CYB5R3: variants seen among roughly 807,000 people sequenced by gnomAD.
CYB5R3 encodes NADH-cytochrome b5 reductase 3.
A neutral mutation model predicts 36.5 loss-of-function variants in CYB5R3; 28 were observed. The ratio of observed to expected loss-of-function variants is 0.77; its 90% CI spans 0.57 to 1.05. The LOEUF is 1.05. CYB5R3 is among the 50% of genes least tolerant of loss of function. The pLI is 0.00. For missense variants in CYB5R3, 474 were observed against 408.9 expected, an observed-to-expected ratio of 1.16 and a Z score of -1.37; for synonymous variants, 181 against 159.8, an observed-to-expected ratio of 1.13 and a Z score of -1.00.
chr22:42,632,455 A>T (rs1165138611), intron 2 of CYB5R3: 1 of 152,330 alleles, frequency 6.6e-6, no homozygotes, highest in Non-Finnish European at 1.5e-5. Context: ...GCAGTGTTCC[A>T]GCACAGAGCA....
In CYB5R3 at chr22:42,619,704, G is replaced by A; in HGVS notation, c.*69C>T. 1.4e-6 allele frequency: 2 copies of A among 1,461,254 alleles called. No individual in the cohort carries two copies. The highest frequency in any genetic ancestry group is 1.8e-6 in the Non-Finnish European group (2 of 1,090,348). 90.5% of individuals were successfully genotyped at this position (1,461,254 alleles called of 1,614,324 possible). On this transcript the variant is annotated 3_prime_UTR_variant, in exon 9 of 9. Coordinates refer to ENST00000352397, the MANE Select transcript of CYB5R3 (RefSeq NM_000398.7). ...GGGGCCCCAGTGTGCGATGTGGGGAGGTGACTGGGTGAGCGTGAACAGGGC... is the reference window on the plus strand; with the variant it reads ...GGGGCCCCAGTGTGCGATGTGGGGAAGTGACTGGGTGAGCGTGAACAGGGC...
At chr22:42,623,489 C>T (rs1405535312) in intron 8 of CYB5R3, among the ~76,000 whole-genome samples, 3 of 152,216 alleles carry the variant, frequency 2.0e-5, no homozygotes, top group Non-Finnish European at 4.4e-5. Context: ...AAGTGAGCCC[C>T]GCCCAGGGAG....
At chr22:42,645,626 T>C (rs1167485932) in intron 1 of CYB5R3, among the ~76,000 whole-genome samples, 1 of 152,134 alleles carries the variant, frequency 6.6e-6, no homozygotes, top group Non-Finnish European at 1.5e-5. Flanking sequence ...CAACAGGGGC[T>C]GCCCGGAGCC....
At chr22:42,645,138 C>T (rs527840814) in intron 1 of CYB5R3, among the ~76,000 whole-genome samples, 1 of 152,266 alleles carries the variant, frequency 6.6e-6, no homozygotes, top group South Asian at 2.1e-4. Flanking sequence ...ATGGCAAGTC[C>T]CCGAATGCTG....
In CYB5R3 at chr22:42,630,940, C is replaced by T. The variant is rs983475935; in HGVS notation, c.275G>A (p.Arg92Gln). The change falls in exon 4 of 9, where the codon CGG becomes CAG. Residue 92 changes from arginine (R) to glutamine (Q), a missense_variant. Physicochemically the swap from Arg to Gln is conservative, Grantham distance 43. Coordinates refer to ENST00000352397, the MANE Select transcript of CYB5R3 (RefSeq NM_000398.7). ...ATCGCTGGAGATGGGTGTATAGGGC[C>T]GGACGACCAGGTTTCCATCAATTCG... ...SARIDGNLVV[R>Q]PYTPISSDDD... The T allele has an allele frequency of 5.6e-6, 9 of 1,614,024 alleles. No homozygotes were observed. The highest frequency in any genetic ancestry group is 1.1e-5 in the South Asian group (1 of 91,054).
intron 7 of CYB5R3, among the ~76,000 whole-genome samples, chr22:42,625,846 C>A (rs572894318): frequency 6.6e-6 from 1 of 152,176 alleles, no homozygotes; most frequent in Non-Finnish European, 1.5e-5. Flanking sequence ...GTATTTTTCA[C>A]TCTTCCTCTC....
chr22:42,645,641 G>A (rs1270630882), intron 1 of CYB5R3, among the ~76,000 whole-genome samples: 1 of 152,086 alleles, frequency 6.6e-6, no homozygotes, highest in Non-Finnish European at 1.5e-5. Context: ...GGAGCCAGGC[G>A]GGCAGCCTCT....
chr22:42,643,223 G>A (rs8190414), intron 1 of CYB5R3, among the ~76,000 whole-genome samples: 2 of 152,212 alleles, frequency 1.3e-5, no homozygotes, highest in Non-Finnish European at 1.5e-5. Flanking sequence ...TGTCCTGTCT[G>A]TAAAAAGCGA....
chr22:42,633,256 T>C (rs921973580), intron 2 of CYB5R3: 3 of 152,260 alleles, frequency 2.0e-5, no homozygotes, highest in Admixed American at 6.5e-5. Flanking sequence ...CCATGTTGTA[T>C]GGCTGGCTAC....
chr22:42,639,218 G>A (rs1232211290), intron 1 of CYB5R3: 1 of 282,772 alleles, frequency 3.5e-6, no homozygotes, highest in East Asian at 1.3e-4. Context: ...CAGCTACTCA[G>A]GAAGCTGGAG....
intron 4 of CYB5R3, among the ~76,000 whole-genome samples, chr22:42,629,271 C>T (rs537441027): frequency 4.6e-4 from 70 of 152,302 alleles, no homozygotes; most frequent in African/African-American, 1.7e-3. Flanking sequence ...CCCCTTGCCC[C>T]AACCCTCCAG....
intron 1 of CYB5R3, among the ~76,000 whole-genome samples, chr22:42,644,843 C>T (rs1393133295): frequency 6.6e-6 from 1 of 152,192 alleles, no homozygotes; most frequent in Non-Finnish European, 1.5e-5. Context: ...CGTCAGTGCA[C>T]AGCCCAGCTT....
intron 1 of CYB5R3, chr22:42,639,962 T>C (rs757584774): frequency 6.2e-7 from 1 of 1,609,218 alleles, no homozygotes; most frequent in African/African-American, 1.3e-5. Flanking sequence ...AAGACTGGTC[T>C]TCAAACATTC....
intron 7 of CYB5R3, among the ~76,000 whole-genome samples, chr22:42,626,209 C>G (rs2146873214): frequency 6.6e-6 from 1 of 152,278 alleles, no homozygotes; most frequent in Admixed American, 6.5e-5. Context: ...ACTCGGGAGG[C>G]TGAGGCAGGA....
intron 4 of CYB5R3, 29 bp downstream of exon 4, chr22:42,630,853 C>A (rs377201774): frequency 1.9e-6 from 3 of 1,583,272 alleles, no homozygotes; most frequent in Non-Finnish European, 2.6e-6. Context: ...ACCCACACCC[C>A]CTCCACAGTC....
At chr22:42,628,904 G>C (rs1029956029) in intron 4 of CYB5R3, among the ~76,000 whole-genome samples, 2 of 152,132 alleles carry the variant, frequency 1.3e-5, no homozygotes, top group African/African-American at 2.4e-5. Flanking sequence ...TCAGGGAGGG[G>C]AGCCTGTTGT....
intron 1 of CYB5R3, chr22:42,644,651 T>C (rs2146912053): frequency 7.0e-7 from 1 of 1,425,760 alleles, no homozygotes; most frequent in East Asian, 2.5e-5. Flanking sequence ...TCCTCTGCTA[T>C]CGACCTCTCC....
rs1928329812 is a variant in CYB5R3, at chr22:42,627,367, C to T, written c.570G>A (p.Val190=). ...CAGGGTCCTTCATGATGGCGCGGATCACCTGCAGCATCGGGGTGATGCCTG... is the reference window on the plus strand; with the variant it reads ...CAGGGTCCTTCATGATGGCGCGGATTACCTGCAGCATCGGGGTGATGCCTG... ...GGTGITPMLQ[V]IRAIMKDPDD... is the part of the protein sequence containing the mutation. Residue 190 remains valine (V), a synonymous_variant, in exon 7 of 9, where the codon GTG becomes GTA. Transcript: ENST00000352397. 6.2e-7 allele frequency: 1 copy of T among 1,613,876 alleles called. No homozygotes were observed. Among genetic ancestry groups the T allele is most frequent in the Non-Finnish European group, 8.5e-7 (1 of 1,179,972 alleles).
chr22:42,627,262 C>G (rs914008485), intron 7 of CYB5R3, 42 bp downstream of exon 7: 2 of 1,564,600 alleles, frequency 1.3e-6, no homozygotes, highest in African/African-American at 1.4e-5. Context: ...AGTCCCCTCT[C>G]AGGGTAAGCT....
Sources: allele counts gnomAD v4.1 joint callset (sites outside exome capture counted in the v4.1 genomes callset), GRCh38; gene constraint gnomAD v4.1.1; transcripts MANE v1.5; gene names NCBI Gene and HGNC (gene_info 2026-07-23, HGNC 2026-07-21).